Variants in TCF7L1 observed in about 807,000 individuals in gnomAD.
TCF7L1 encodes the protein transcription factor 7 like 1.
A neutral mutation model predicts 63.7 loss-of-function variants in TCF7L1; 18 were observed. That is an observed-to-expected ratio of 0.28 (90% CI 0.20 to 0.42). The LOEUF is 0.42. Among genes scored for constraint, TCF7L1 ranks in the 10% least tolerant of loss-of-function variants. The probability of loss-of-function intolerance (pLI) is 1.00; values close to 1 mark genes in which losing one functional copy is unlikely to be tolerated. For synonymous variants in TCF7L1, 355 were observed against 340.9 expected (o/e 1.04, Z -0.46); for missense variants, 654 against 779.3 (o/e 0.84, Z 1.91).
At chr2:85,137,410 A>G (rs1028334006) in intron 3 of TCF7L1, among the ~76,000 whole-genome samples, 2 of 152,302 alleles carry the variant, frequency 1.3e-5, no homozygotes, top group East Asian at 1.9e-4. Context: ...TCCCCTCAGC[A>G]TGGGATGTGG....
chr2:85,149,374 G>A (rs548387853), intron 3 of TCF7L1, among the ~76,000 whole-genome samples: 1 of 148,554 alleles, frequency 6.7e-6, no homozygotes, highest in East Asian at 2.0e-4. Flanking sequence ...TTATAAATAA[G>A]TTGAAATTTA....
intron 3 of TCF7L1, among the ~76,000 whole-genome samples, chr2:85,144,719 C>CTGTG (rs772295408): frequency 1.7e-3 from 240 of 140,540 alleles, no homozygotes; most frequent in Middle Eastern, 7.1e-3. Flanking sequence ...CTCTCTCTCT[C>CTGTG]TGTGTGTGTG....
At chr2:85,200,807 C>G (rs1471533720) in intron 3 of TCF7L1, among the ~76,000 whole-genome samples, 1 of 152,166 alleles carries the variant, frequency 6.6e-6, no homozygotes, top group East Asian at 1.9e-4. Context: ...TCACTAGCAT[C>G]TAGCTGTTGG....
At chr2:85,218,290 C>T (rs1048885168) in intron 3 of TCF7L1, among the ~76,000 whole-genome samples, 4 of 150,994 alleles carry the variant, frequency 2.6e-5, no homozygotes, top group African/African-American at 9.9e-5. Context: ...AGATCTTGCT[C>T]TGTCACCCAG....
At chr2:85,269,996 C>T (rs1224435496) in intron 3 of TCF7L1, among the ~76,000 whole-genome samples, 3 of 152,198 alleles carry the variant, frequency 2.0e-5, no homozygotes, top group Admixed American at 2.0e-4. Context: ...ATGGAGAGGC[C>T]TCCTCAGACA....
chr2:85,272,357 A>T (rs557257586), intron 3 of TCF7L1, among the ~76,000 whole-genome samples: 10 of 152,210 alleles, frequency 6.6e-5, no homozygotes, highest in African/African-American at 9.7e-5. Flanking sequence ...TTTCAAGTGA[A>T]GAAGAAAAAT....
At chr2:85,237,033 C>T (rs982475026) in intron 3 of TCF7L1, among the ~76,000 whole-genome samples, 4 of 152,116 alleles carry the variant, frequency 2.6e-5, no homozygotes, top group African/African-American at 9.7e-5. Context: ...GCTGAGATAC[C>T]ACCATAGGCT....
chr2:85,306,423 C>A lies in TCF7L1; in HGVS notation c.1150-29C>A. On this transcript the variant is annotated intron_variant, in intron 9 of 11. Transcript: ENST00000282111. This position sits in a 1 kb window ranked among gnomAD's most constrained non-coding sequence, Gnocchi z 4.3. ...GGCAGCGTCCCTGCATTGATGGCTC[C>A]GTGTGGTCTCTGACCCTCTCTCCCC... The A allele has an allele frequency of 1.9e-6, 3 of 1,613,862 alleles. No individual in the cohort carries two copies. Among genetic ancestry groups the A allele is most frequent in the South Asian group, 1.1e-5 (1 of 91,080 alleles).
intron 3 of TCF7L1, among the ~76,000 whole-genome samples, chr2:85,216,527 G>A (rs6709118): frequency 0.6 from 91,556 of 151,976 alleles, 28,950 homozygotes; most frequent in African/African-American, 0.8. Flanking sequence ...TTGCCTCAGA[G>A]AGTAAAATAA....
At chr2:85,200,737 A>G (rs1213625391) in intron 3 of TCF7L1, among the ~76,000 whole-genome samples, 2 of 152,238 alleles carry the variant, frequency 1.3e-5, no homozygotes, top group Non-Finnish European at 1.5e-5. Context: ...GAGAACCGCA[A>G]GAGATCACTT....
chr2:85,258,120 G>A (rs138176896), intron 3 of TCF7L1, among the ~76,000 whole-genome samples: 24 of 152,238 alleles, frequency 1.6e-4, no homozygotes, highest in African/African-American at 5.3e-4. Flanking sequence ...TCATTATCTG[G>A]GATAAAGGTT....
intron 3 of TCF7L1, among the ~76,000 whole-genome samples, chr2:85,143,704 T>A (rs939987976): frequency 2.6e-5 from 4 of 152,220 alleles, no homozygotes; most frequent in African/African-American, 9.7e-5. Flanking sequence ...ATGCCTGATA[T>A]AATTAGCTCC....
In TCF7L1 at chr2:85,308,918, C is replaced by T. The variant is rs529421062; in HGVS notation, c.1334-111C>T. The T allele has an allele frequency of 2.1e-4, 268 of 1,300,510 alleles. No homozygotes were observed. In the African/African-American group the frequency reaches 2.9e-3, roughly 14 times the overall value. The allele number at this position is 1,300,510 out of a possible 1,614,324, so 80.6% of individuals were successfully genotyped here. A position where few individuals can be genotyped will look rare whatever the true frequency, so the allele number is the denominator to read the frequency against. ...AGCCTTGGAAGTAATGTCAGGTCCT[C>T]GCCAAAATCATCCCTGTGTCTCCAA... On this transcript the variant is annotated intron_variant, in intron 11 of 11. Transcript: ENST00000282111.
In TCF7L1 at chr2:85,133,621, G is replaced by C. The variant is rs993357895; in HGVS notation, c.-64G>C. On this transcript the variant is annotated 5_prime_UTR_variant, in exon 1 of 12. Coordinates refer to ENST00000282111, the MANE Select transcript of TCF7L1 (RefSeq NM_031283.3). The surrounding 1 kb of genome is among the most constrained non-coding windows in gnomAD (Gnocchi z 4.4). ...AAGCGGGCGGGAGGGGCGCCGGGCC[G>C]GGCCGGGCAGGGCGCGGGCGGCTAG... The C allele has an allele frequency of 1.5e-6, 1 of 646,900 alleles. No individual in the cohort carries two copies. Among genetic ancestry groups the C allele is most frequent in the Non-Finnish European group, 1.9e-6 (1 of 522,702 alleles). 40.1% of individuals were successfully genotyped at this position (646,900 alleles called of 1,614,324 possible). A position where few individuals can be genotyped will look rare whatever the true frequency, so the allele number is the denominator to read the frequency against.
intron 3 of TCF7L1, among the ~76,000 whole-genome samples, chr2:85,212,183 G>A (rs1037001457): frequency 3.3e-5 from 5 of 151,440 alleles, no homozygotes; most frequent in African/African-American, 7.3e-5. Flanking sequence ...ATTCCTACAC[G>A]GTAACAGTCA....
chr2:85,185,293 TG>T (rs1678891887), intron 3 of TCF7L1, among the ~76,000 whole-genome samples: 1 of 152,044 alleles, frequency 6.6e-6, no homozygotes, highest in Admixed American at 6.5e-5. Flanking sequence ...TGTGTTGCTC[TG>T]TCACCCAGGC....
chr2:85,167,887 A>C (rs1233421962), intron 3 of TCF7L1, among the ~76,000 whole-genome samples: 1 of 152,090 alleles, frequency 6.6e-6, no homozygotes, highest in African/African-American at 2.4e-5. Context: ...AGGAGAAGGA[A>C]ATCCTGCCGT....
At chr2:85,266,894 G>A (rs1044289758) in intron 3 of TCF7L1, among the ~76,000 whole-genome samples, 6 of 152,226 alleles carry the variant, frequency 3.9e-5, no homozygotes, top group Non-Finnish European at 1.5e-5. Context: ...GGACACCTGG[G>A]TTGTTCTGAT....
At chr2:85,299,860 A>AACACACAC (rs61569778) in intron 4 of TCF7L1, among the ~76,000 whole-genome samples, 2,100 of 92,742 alleles carry the variant, frequency 0.023, 159 homozygotes, top group South Asian at 0.036. Context: ...CCTTGTCTCA[A>AACACACAC]ACACACACAC....
Sources: allele counts gnomAD v4.1 joint callset (sites outside exome capture counted in the v4.1 genomes callset), GRCh38; gene constraint gnomAD v4.1.1; non-coding constraint Gnocchi (gnomAD v3.1); transcripts MANE v1.5; gene names NCBI Gene and HGNC (gene_info 2026-07-23, HGNC 2026-07-21).